Variants in MACROD2 observed in about 807,000 individuals in gnomAD.
MACROD2 encodes mono-ADP ribosylhydrolase 2, also known as ADP-ribose glycohydrolase MACROD2.
In MACROD2, 36 loss-of-function variants were observed where a neutral mutation model predicts 70.4. That is an observed-to-expected ratio of 0.51 (90% CI 0.39 to 0.68). The LOEUF is 0.68. Among genes scored for constraint, MACROD2 ranks in the 30% least tolerant of loss-of-function variants. The probability of loss-of-function intolerance (pLI) is 0.00; values close to 1 mark genes in which losing one functional copy is unlikely to be tolerated. For missense variants in MACROD2, 496 were observed against 538.4 expected, an observed-to-expected ratio of 0.92 and a Z score of 0.78; for synonymous variants, 172 against 178.8, an observed-to-expected ratio of 0.96 and a Z score of 0.30.
chr20:15,641,641 C>A (rs531910770), intron 8 of MACROD2, among the ~76,000 whole-genome samples: 10 of 152,288 alleles, frequency 6.6e-5, no homozygotes, highest in African/African-American at 2.4e-4. Context: ...TCTATTTCAT[C>A]CTAACACACA....
intron 8 of MACROD2, among the ~76,000 whole-genome samples, chr20:15,748,724 G>A (rs1049501746): frequency 1.7e-4 from 26 of 152,054 alleles, no homozygotes; most frequent in African/African-American, 6.3e-4. Flanking sequence ...CCACTCAAGT[G>A]TATTCCAACA....
intron 5 of MACROD2, among the ~76,000 whole-genome samples, chr20:15,085,875 C>CACA: frequency 2.0e-5 from 1 of 49,632 alleles, no homozygotes; most frequent in Non-Finnish European, 4.7e-5. Flanking sequence ...ACACACACAA[C>CACA]ACACACACAC....
intron 2 of MACROD2, among the ~76,000 whole-genome samples, chr20:14,012,253 T>A (rs1034472179): frequency 1.6e-4 from 25 of 152,212 alleles, no homozygotes; most frequent in African/African-American, 5.8e-4. Context: ...TATCAAACCA[T>A]CCTTTGCTGG....
chr20:14,579,054 A>G (rs1980810069), intron 4 of MACROD2, among the ~76,000 whole-genome samples: 1 of 151,264 alleles, frequency 6.6e-6, no homozygotes, highest in African/African-American at 2.4e-5. Flanking sequence ...ATTCTATTTT[A>G]ATTCAGGTAT....
At chr20:15,254,867 T>C (rs2077184907) in intron 6 of MACROD2, among the ~76,000 whole-genome samples, 1 of 151,858 alleles carries the variant, frequency 6.6e-6, no homozygotes, top group East Asian at 1.9e-4. Flanking sequence ...GCTTGTGGAC[T>C]TACCCTCCAT....
intron 8 of MACROD2, among the ~76,000 whole-genome samples, chr20:15,657,016 T>C (rs2049741495): frequency 1.3e-5 from 2 of 151,468 alleles, no homozygotes. Flanking sequence ...TTTCCATGCT[T>C]GGCATGGAAA....
intron 5 of MACROD2, among the ~76,000 whole-genome samples, chr20:14,876,750 T>G (rs1229241322): frequency 6.6e-6 from 1 of 152,158 alleles, no homozygotes; most frequent in Non-Finnish European, 1.5e-5. Flanking sequence ...TTTTGTCAAC[T>G]TTGTTGTATG....
intron 4 of MACROD2, among the ~76,000 whole-genome samples, chr20:14,657,797 A>G (rs996918934): frequency 3.3e-5 from 5 of 152,154 alleles, no homozygotes; most frequent in African/African-American, 1.2e-4. Flanking sequence ...CGTCTTTATC[A>G]GACCACCCAA....
chr20:14,924,265 A>G (rs958677628), intron 5 of MACROD2, among the ~76,000 whole-genome samples: 8 of 151,440 alleles, frequency 5.3e-5, no homozygotes, highest in African/African-American at 1.7e-4. Flanking sequence ...CTGGCCAAAC[A>G]TTGTCTCTAC....
intron 9 of MACROD2, among the ~76,000 whole-genome samples, chr20:15,880,686 A>G (rs1337259332): frequency 1.3e-5 from 2 of 151,982 alleles, no homozygotes; most frequent in Non-Finnish European, 2.9e-5. Flanking sequence ...CATTTGAGAA[A>G]GGCTCAACCC....
At chr20:15,070,517 T>G (rs1284552587) in intron 5 of MACROD2, among the ~76,000 whole-genome samples, 2 of 152,116 alleles carry the variant, frequency 1.3e-5, no homozygotes, top group Non-Finnish European at 2.9e-5. Context: ...CAAGGTCTAG[T>G]GGGGAGTGTT....
chr20:15,319,870 T>C (rs1204723665), intron 6 of MACROD2, among the ~76,000 whole-genome samples: 1 of 152,204 alleles, frequency 6.6e-6, no homozygotes, highest in African/African-American at 2.4e-5. Flanking sequence ...GGTCCCATAT[T>C]GTATAATCTC....
intron 5 of MACROD2, among the ~76,000 whole-genome samples, chr20:14,912,442 T>G (rs1197503599): frequency 2.6e-5 from 4 of 152,164 alleles, no homozygotes. Context: ...TAGAGCAAAA[T>G]GGCCTTCAGA....
At chr20:14,922,377 C>A (rs2074174456) in intron 5 of MACROD2, among the ~76,000 whole-genome samples, 1 of 152,054 alleles carries the variant, frequency 6.6e-6, no homozygotes, top group Non-Finnish European at 1.5e-5. Context: ...CTTAACCACC[C>A]CTAATTTAGA....
intron 5 of MACROD2, among the ~76,000 whole-genome samples, chr20:14,863,489 A>G (rs2073394697): frequency 6.6e-6 from 1 of 152,140 alleles, no homozygotes; most frequent in South Asian, 2.1e-4. Context: ...AAAAACATGT[A>G]TCACAAATAC....
chr20:15,381,259 G>C (rs1221099288), intron 6 of MACROD2, among the ~76,000 whole-genome samples: 1 of 151,908 alleles, frequency 6.6e-6, no homozygotes, highest in Non-Finnish European at 1.5e-5. Flanking sequence ...CGCTGTGATA[G>C]ACCCACTATC....
intron 5 of MACROD2, among the ~76,000 whole-genome samples, chr20:14,766,884 T>C (rs1277276716): frequency 6.6e-6 from 1 of 152,162 alleles, no homozygotes; most frequent in Non-Finnish European, 1.5e-5. Flanking sequence ...AAGTATTGGC[T>C]TAAACAATTC....
At chr20:14,666,330 T>C (rs371341629) in intron 4 of MACROD2, among the ~76,000 whole-genome samples, 18 of 152,278 alleles carry the variant, frequency 1.2e-4, no homozygotes, top group African/African-American at 4.1e-4. Flanking sequence ...AAATAATCAG[T>C]ATTTTCTTCA....
chr20:14,008,020 G>T (rs558344258), intron 2 of MACROD2, among the ~76,000 whole-genome samples: 1 of 152,230 alleles, frequency 6.6e-6, no homozygotes, highest in African/African-American at 2.4e-5. Context: ...ATACCATACT[G>T]AATGGGCAAA....
Sources: gnomAD v4.1 joint callset for allele counts (sites outside exome capture counted in the v4.1 genomes callset) on GRCh38, gnomAD v4.1.1 for gene constraint, MANE v1.5 for transcripts, NCBI Gene and HGNC (gene_info 2026-07-23, HGNC 2026-07-21) for gene names.